Variants in DHRSX observed in about 807,000 individuals in gnomAD.
DHRSX encodes polyprenol dehydrogenase.
Under a neutral mutation model 34.0 loss-of-function variants are expected in DHRSX, and 31 were observed. That is an observed-to-expected ratio of 0.91 (90% CI 0.69 to 1.23). The LOEUF (loss-of-function observed/expected upper bound fraction) is 1.23. Ranked by LOEUF, DHRSX falls within the 50% of genes most tolerant of loss-of-function variation. The probability of loss-of-function intolerance (pLI) is 0.00; values close to 1 mark genes in which losing one functional copy is unlikely to be tolerated. For missense variants in DHRSX, 414 were observed against 428.1 expected, an observed-to-expected ratio of 0.97 and a Z score of 0.29; for synonymous variants, 201 against 183.8, an observed-to-expected ratio of 1.09 and a Z score of -0.76.
intron 4 of DHRSX, among the ~76,000 whole-genome samples, chrX:2,290,382 C>T (rs1198209043): frequency 3.9e-5 from 6 of 152,134 alleles, no homozygotes; most frequent in Admixed American, 1.3e-4. Context: ...ATGCTTTCTC[C>T]CTCCTTACAG....
chrX:2,303,475 C>T (rs2042038352), intron 3 of DHRSX, among the ~76,000 whole-genome samples: 1 of 152,114 alleles, frequency 6.6e-6, no homozygotes, highest in South Asian at 2.1e-4. Context: ...CTGCTCTAGC[C>T]ATTAAGACGT....
chrX:2,423,951 T>C (rs1470688483), intron 2 of DHRSX, among the ~76,000 whole-genome samples: 1 of 152,178 alleles, frequency 6.6e-6, no homozygotes, highest in Non-Finnish European at 1.5e-5. Flanking sequence ...TCCCGCAACA[T>C]TGTTCAGATT....
intron 3 of DHRSX, among the ~76,000 whole-genome samples, chrX:2,363,153 G>A (rs868324942): frequency 9.9e-5 from 11 of 111,298 alleles, no homozygotes; most frequent in African/African-American, 3.0e-4. Context: ...TTTTATCACC[G>A]TTCTATGGTA....
rs1237927427 is a variant in DHRSX, at chrX:2,402,106, G to C, written c.286+6639C>G. ...CAGGAGGGGAAAGCAGGCTAGACAG[G>C]CGCCCAGCATGTTGAAATAATTGTG... On this transcript the variant is annotated intron_variant, in intron 3 of 6. Transcript: ENST00000334651. Among the ~76,000 whole-genome samples the C allele has an allele frequency of 2.0e-5, 3 of 152,184 alleles. No individual in the cohort carries two copies. In the East Asian group the frequency reaches 5.8e-4, roughly 29 times the overall value.
At chrX:2,384,421 T>C (rs2043246805) in intron 3 of DHRSX, among the ~76,000 whole-genome samples, 1 of 151,988 alleles carries the variant, frequency 6.6e-6, no homozygotes, top group South Asian at 2.1e-4. Flanking sequence ...AGGTGTGTAG[T>C]GTGAGATGCT....
At chrX:2,346,725 G>A (rs1308656294) in intron 3 of DHRSX, among the ~76,000 whole-genome samples, 4 of 151,624 alleles carry the variant, frequency 2.6e-5, no homozygotes, top group East Asian at 1.9e-4. Flanking sequence ...AGGTATCCAT[G>A]TGCCATGGTG....
intron 3 of DHRSX, 152 bp from the exon 4 acceptor site, chrX:2,291,755 C>T: frequency 3.1e-6 from 2 of 652,812 alleles, no homozygotes; most frequent in Non-Finnish European, 5.5e-6. Flanking sequence ...GCTCTGTTGA[C>T]CGGGCTGGAG....
rs766932855 is a variant in DHRSX, at chrX:2,309,074, G to A, written c.287-17471C>T. Among the ~76,000 whole-genome samples the A allele has an allele frequency of 9.1e-4, 138 of 152,142 alleles. 1 individual carries two copies. Among genetic ancestry groups the A allele is most frequent in the African/African-American group, 3.2e-3 (133 of 41,532 alleles). Reference sequence around the variant, plus strand: ...TTTGTAAGTAAAATGTGAAAATCTCGAGGAAATAATTTTCTCAGAGATACT... The same window carrying A: ...TTTGTAAGTAAAATGTGAAAATCTCAAGGAAATAATTTTCTCAGAGATACT... On this transcript the variant is annotated intron_variant, in intron 3 of 6. Transcript: ENST00000334651.
At chrX:2,263,354 C>T (rs1443339861) in intron 5 of DHRSX, among the ~76,000 whole-genome samples, 1 of 152,098 alleles carries the variant, frequency 6.6e-6, no homozygotes, top group Non-Finnish European at 1.5e-5. Flanking sequence ...TTGCCCCTTC[C>T]ACTGCTTGAT....
At chrX:2,253,524 G>A (rs1490667689) in intron 5 of DHRSX, among the ~76,000 whole-genome samples, 1 of 151,980 alleles carries the variant, frequency 6.6e-6, no homozygotes, top group African/African-American at 2.4e-5. Context: ...GGACATGGCC[G>A]TGAGCCAATC....
intron 4 of DHRSX, among the ~76,000 whole-genome samples, chrX:2,283,526 A>G (rs2041759441): frequency 1.3e-5 from 2 of 152,236 alleles, no homozygotes; most frequent in South Asian, 2.1e-4. Flanking sequence ...CCCGAGTCAC[A>G]TAGAAAATGC....
chrX:2,499,664 T>TG (rs1439239682), intron 1 of DHRSX, among the ~76,000 whole-genome samples: 2 of 152,156 alleles, frequency 1.3e-5, no homozygotes, highest in African/African-American at 2.4e-5. Context: ...CCCAGCACTT[T>TG]GGGGGACCCA....
At chrX:2,362,016 A>G (rs1481570667) in intron 3 of DHRSX, among the ~76,000 whole-genome samples, 1 of 152,214 alleles carries the variant, frequency 6.6e-6, no homozygotes, top group African/African-American at 2.4e-5. Context: ...TAACACAGTG[A>G]CATTTTCTTG....
At chrX:2,260,633 G>T (rs1303371795) in intron 5 of DHRSX, among the ~76,000 whole-genome samples, 1 of 151,844 alleles carries the variant, frequency 6.6e-6, no homozygotes, top group Admixed American at 6.6e-5. Flanking sequence ...CTAATTTTTT[G>T]TATTTTTAGT....
At chrX:2,425,601 G>T (rs374070387) in intron 1 of DHRSX, among the ~76,000 whole-genome samples, 2 of 152,196 alleles carry the variant, frequency 1.3e-5, no homozygotes, top group East Asian at 1.9e-4. Flanking sequence ...TCTGCAGAAC[G>T]GATACCCTTT....
intron 1 of DHRSX, among the ~76,000 whole-genome samples, chrX:2,426,595 C>T (rs1256101198): frequency 6.9e-6 from 1 of 145,984 alleles, no homozygotes; most frequent in Non-Finnish European, 1.5e-5. Context: ...CCTTCCCTCC[C>T]TCTTTCCTTC....
intron 3 of DHRSX, among the ~76,000 whole-genome samples, chrX:2,293,993 C>CAG (rs897587725): frequency 1.3e-5 from 2 of 150,854 alleles, no homozygotes; most frequent in African/African-American, 4.9e-5. Context: ...CACTCACCAT[C>CAG]AGAGAGAGAG....
intron 1 of DHRSX, among the ~76,000 whole-genome samples, chrX:2,499,721 A>G (rs1236537909): frequency 6.6e-6 from 1 of 152,200 alleles, no homozygotes; most frequent in African/African-American, 2.4e-5. Context: ...AGCCTGGGCA[A>G]CGTAGCAAGA....
At chrX:2,283,101 A>C (rs2041751135) in intron 4 of DHRSX, among the ~76,000 whole-genome samples, 2 of 151,542 alleles carry the variant, frequency 1.3e-5, no homozygotes, top group African/African-American at 4.9e-5. Context: ...TGAGTAACTG[A>C]AAAACCACTG....
Sources: gnomAD v4.1 joint callset for allele counts (sites outside exome capture counted in the v4.1 genomes callset) on GRCh38, gnomAD v4.1.1 for gene constraint, MANE v1.5 for transcripts, NCBI Gene and HGNC (gene_info 2026-07-23, HGNC 2026-07-21) for gene names.